The following PNPLA8 variants were observed in gnomAD, a reference collection of about 807,000 sequenced individuals.
PNPLA8 encodes patatin like domain 8, phospholipase A2.
Under a neutral mutation model 76.9 loss-of-function variants are expected in PNPLA8, and 39 were observed. The observed-to-expected ratio is 0.51, with a 90% CI of 0.39 to 0.66. The LOEUF (loss-of-function observed/expected upper bound fraction) is 0.66, where lower values mean the gene tolerates loss of function less well. Among genes scored for constraint, PNPLA8 ranks in the 30% least tolerant of loss-of-function variants. The probability of loss-of-function intolerance (pLI) is 0.00; values close to 1 mark genes in which losing one functional copy is unlikely to be tolerated. For missense variants in PNPLA8, 887 were observed against 918.0 expected (o/e 0.97, Z 0.44); for synonymous variants, 301 against 307.9 (o/e 0.98, Z 0.24).
Position 108,477,063 on chromosome 7 carries a change from T to C in PNPLA8, c.2074+2121A>G, listed in dbSNP as rs147618487. Among the ~76,000 whole-genome samples the C allele has an allele frequency of 1.0e-3, 155 of 152,344 alleles. 1 individual carries two copies. Among genetic ancestry groups the C allele is most frequent in the African/African-American group, 3.4e-3 (141 of 41,582 alleles). Reference sequence around the variant, plus strand: ...CCTACTAGAGATCTGACGTACAGCATGGTAACTATAGTTAATAACAATGTA... The same window carrying C: ...CCTACTAGAGATCTGACGTACAGCACGGTAACTATAGTTAATAACAATGTA... On this transcript the variant is annotated intron_variant, in intron 10 of 10. Transcript: ENST00000257694.
chr7:108,472,306 T>C lies in PNPLA8; in HGVS notation c.*95A>G. ...GGATTCTCCAGAATTCATACGTATT[T>C]CAAAGTTAACTCATGTCGAACCCCA... is the stretch of plus-strand genomic sequence containing the variant. On this transcript the variant is annotated 3_prime_UTR_variant, in exon 11 of 11. Transcript: ENST00000257694. 1 of 856,650 alleles carries C rather than the reference T, an allele frequency of 1.2e-6. No individual in the cohort carries two copies. Among genetic ancestry groups the C allele is most frequent in the East Asian group, 2.6e-5 (1 of 38,942 alleles). 53.1% of individuals were successfully genotyped at this position (856,650 alleles called of 1,614,324 possible).
At chr7:108,512,667 C>T (rs1214820752) in intron 4 of PNPLA8, among the ~76,000 whole-genome samples, 1 of 152,128 alleles carries the variant, frequency 6.6e-6, no homozygotes, top group African/African-American at 2.4e-5. Context: ...GAAAAGTTCA[C>T]ACTAGAGTGT....
chr7:108,482,188 AG>A lies in PNPLA8; in HGVS notation c.1879-2810del, dbSNP rs1860443729. 2.6e-5 allele frequency among the ~76,000 whole-genome samples: 4 copies of A among 152,192 alleles called. No individual in the cohort carries two copies. In the South Asian group the frequency reaches 8.3e-4, roughly 31 times the overall value. On this transcript the variant is annotated intron_variant, in intron 9 of 10. Transcript: ENST00000257694. ...ACTTTTTATTCTTTTAAAATTGTTT[AG>A]GCCAGGTGCAGTGGCTCATGCCTGT...
At chr7:108,495,856 GAGA>G (rs1861509057) in intron 7 of PNPLA8, among the ~76,000 whole-genome samples, 1 of 152,134 alleles carries the variant, frequency 6.6e-6, no homozygotes, top group African/African-American at 2.4e-5. Flanking sequence ...TTGAAAAAAG[GAGA>G]AGGATACGAA....
chr7:108,509,677 G>A (rs1479093739), intron 4 of PNPLA8, among the ~76,000 whole-genome samples: 2 of 151,792 alleles, frequency 1.3e-5, no homozygotes, highest in African/African-American at 4.8e-5. Context: ...CCATTACTGG[G>A]TATATACCCA....
chr7:108,525,379 G>A (rs78145249), intron 1 of PNPLA8, among the ~76,000 whole-genome samples: 15,403 of 152,206 alleles, frequency 0.1, 812 homozygotes, highest in Non-Finnish European at 0.11. Flanking sequence ...AGTCCCTTAT[G>A]TCACAACTCT....
intron 2 of PNPLA8, among the ~76,000 whole-genome samples, chr7:108,517,443 T>C (rs1328106174): frequency 6.6e-6 from 1 of 152,198 alleles, no homozygotes; most frequent in Non-Finnish European, 1.5e-5. Flanking sequence ...CATAATAAAA[T>C]CTGCACGAGG....
chr7:108,474,392 G>C (rs561277473), intron 10 of PNPLA8, among the ~76,000 whole-genome samples: 1 of 152,080 alleles, frequency 6.6e-6, no homozygotes. Flanking sequence ...TTTCAGTGCC[G>C]TAAAGCATTA....
In PNPLA8 at chr7:108,515,588, A is replaced by G. The variant is rs527423677; in HGVS notation, c.-83-14T>C. The G allele has an allele frequency of 8.0e-7, 1 of 1,249,392 alleles. No individual in the cohort carries two copies. The highest frequency in any genetic ancestry group is 3.4e-5 in the South Asian group (1 of 29,148). The allele number at this position is 1,249,392 out of a possible 1,614,324, so 77.4% of individuals were successfully genotyped here. On this transcript the variant is annotated splice_polypyrimidine_tract_variant and intron_variant, in intron 2 of 10. Transcript: ENST00000257694. Reference sequence around the variant, plus strand: ...TCATGGTCTTACCTGAAATGGCAAGAAAAAAAATTAGAATTCAAGTTAAAA... The same window carrying G: ...TCATGGTCTTACCTGAAATGGCAAGGAAAAAAATTAGAATTCAAGTTAAAA...
chr7:108,505,325 TATATATATATATATATATATA>T lies in PNPLA8; in HGVS notation c.1207-2704_1207-2684del, dbSNP rs1862288930. Among the ~76,000 whole-genome samples, 19 of 9,194 alleles carry T rather than the reference TATATATATATATATATATATA, an allele frequency of 2.1e-3. 1 individual carries two copies. The highest frequency in any genetic ancestry group is 3.8e-3 in the African/African-American group (10 of 2,636). The allele number at this position is 9,194 out of a possible 152,430, so 6.0% of individuals were successfully genotyped here. ...TTATATATATATATATATATATATA[TATATATATATATATATATATA>T]TATATATTTTTTTTTTTTTTTTTTT... is the stretch of plus-strand genomic sequence containing the variant. On this transcript the variant is annotated intron_variant, in intron 4 of 10. Coordinates refer to ENST00000257694, the MANE Select transcript of PNPLA8 (RefSeq NM_001256007.3).
intron 7 of PNPLA8, among the ~76,000 whole-genome samples, chr7:108,494,116 G>C (rs951760296): frequency 5.9e-5 from 9 of 152,020 alleles, no homozygotes; most frequent in African/African-American, 2.2e-4. Context: ...TAAGTTTTAG[G>C]TAACTTCAGA....
Position 108,472,689 on chromosome 7 carries a change from A to G in PNPLA8, c.2075-14T>C, listed in dbSNP as rs374092141. On this transcript the variant is annotated splice_polypyrimidine_tract_variant and intron_variant, in intron 10 of 10. Transcript: ENST00000257694. ...TTATATGGACTTCTGTTAAAGCAAA[A>G]AAGAAAAGGATAAGGGGATAAGAAA... is the stretch of plus-strand genomic sequence containing the variant. 9.1e-5 allele frequency: 141 copies of G among 1,550,934 alleles called. No individual in the cohort carries two copies. The highest frequency in any genetic ancestry group is 1.1e-4 in the Non-Finnish European group (132 of 1,153,972).
At chr7:108,489,487 T>C (rs1234552007) in intron 8 of PNPLA8, among the ~76,000 whole-genome samples, 1 of 152,234 alleles carries the variant, frequency 6.6e-6, no homozygotes, top group South Asian at 2.1e-4. Context: ...TAGCTGGCCC[T>C]CATGTCTCTT....
chr7:108,521,176 A>G (rs1440032484), intron 2 of PNPLA8, among the ~76,000 whole-genome samples: 1 of 152,178 alleles, frequency 6.6e-6, no homozygotes. Context: ...TTAGAAATAG[A>G]AAAAAATTAA....
chr7:108,491,570 A>C, intron 7 of PNPLA8, 103 bp from the exon 8 acceptor site: 1 of 744,032 alleles, frequency 1.3e-6, no homozygotes, highest in Non-Finnish European at 2.4e-6. Context: ...GGCTTTGTCA[A>C]AGTGCTATGA....
chr7:108,518,754 TATATACAC>T (rs1863532721), intron 2 of PNPLA8, among the ~76,000 whole-genome samples: 2 of 126,488 alleles, frequency 1.6e-5, no homozygotes, highest in African/African-American at 3.1e-5. Context: ...TATATATATA[TATATACAC>T]ACACACACAC....
At chr7:108,498,009 A>G (rs1294348604) in intron 5 of PNPLA8, among the ~76,000 whole-genome samples, 1 of 151,194 alleles carries the variant, frequency 6.6e-6, no homozygotes, top group African/African-American at 2.4e-5. Flanking sequence ...CAGAAAAAAA[A>G]AAAAAAAGTA....
At chr7:108,502,288 C>G (rs1862007287) in intron 5 of PNPLA8, among the ~76,000 whole-genome samples, 1 of 151,438 alleles carries the variant, frequency 6.6e-6, no homozygotes, top group Admixed American at 6.6e-5. Context: ...ACTAAAACTA[C>G]AAAAATTAGC....
chr7:108,472,720 G>A (rs1859711723), intron 10 of PNPLA8, 45 bp from the exon 11 acceptor site: 3 of 1,366,506 alleles, frequency 2.2e-6, no homozygotes, highest in Non-Finnish European at 3.0e-6. Context: ...AGAAAAGAGG[G>A]GATAAAGTGA....
Sources: allele counts gnomAD v4.1 joint callset (sites outside exome capture counted in the v4.1 genomes callset), GRCh38; gene constraint gnomAD v4.1.1; transcripts MANE v1.5; gene names NCBI Gene and HGNC (gene_info 2026-07-23, HGNC 2026-07-21).